The following TIAM1 variants were observed in gnomAD, a reference collection of about 807,000 sequenced individuals.
TIAM1 encodes TIAM Rac1 associated GEF 1.
TIAM1 carries 65 observed loss-of-function variants against 163.5 expected under a neutral mutation model. The ratio of observed to expected loss-of-function variants is 0.40; its 90% confidence interval spans 0.33 to 0.49. The LOEUF is 0.49. Among genes scored for constraint, TIAM1 ranks in the 20% least tolerant of loss-of-function variants. TIAM1 has a pLI of 0.77. For synonymous variants in TIAM1, 833 were observed against 810.1 expected, an observed-to-expected ratio of 1.03 and a Z score of -0.48; for missense variants, 1,789 against 2,044.7, an observed-to-expected ratio of 0.87 and a Z score of 2.41.
intron 14 of TIAM1, 79 bp downstream of exon 14, chr21:31,186,922 A>G: frequency 8.4e-7 from 1 of 1,184,768 alleles, no homozygotes; most frequent in African/African-American, 1.5e-5. Flanking sequence ...TCCTTTGGGC[A>G]TATCTTTCTC....
At chr21:31,327,277 T>C (rs987345554) in intron 2 of TIAM1, among the ~76,000 whole-genome samples, 1 of 152,146 alleles carries the variant, frequency 6.6e-6, no homozygotes, top group African/African-American at 2.4e-5. Context: ...ACGCTTGAAC[T>C]CATTCTAGAA....
At chr21:31,556,700 C>T (rs565275674) in intron 1 of TIAM1, among the ~76,000 whole-genome samples, 65 of 152,292 alleles carry the variant, frequency 4.3e-4, no homozygotes, top group African/African-American at 1.4e-3. Context: ...ACTCAAAACA[C>T]ATTCACAACA....
rs559296481 is a variant in TIAM1 at position 31,266,338 on chromosome 21, C to A, written c.635G>T (p.Arg212Leu). 4 of 1,614,234 alleles carry A rather than the reference C, an allele frequency of 2.5e-6. No individual in the cohort carries two copies. In the African/African-American group the frequency reaches 5.3e-5, roughly 22 times the overall value. Reference sequence around the variant, plus strand: ...CGGACTCGCCCGCGTTTCCATCCCCCGAGCCTCCTCGCAGTCCTTCTCTTC... The same window carrying A: ...CGGACTCGCCCGCGTTTCCATCCCCAGAGCCTCCTCGCAGTCCTTCTCTTC... ...SAEEKDCEEA[R>L]GMETRASPRQ... is the part of the protein sequence containing the mutation. The change falls in exon 4 of 28, where the codon CGG becomes CTG. Residue 212 changes from arginine to leucine, a missense_variant. By Grantham distance (102) the Arg-to-Leu change is moderately radical. Coordinates refer to ENST00000541036, the MANE Select transcript of TIAM1 (RefSeq NM_001353694.2).
At chr21:31,261,326 G>A (rs550991988) in intron 4 of TIAM1, among the ~76,000 whole-genome samples, 12 of 139,074 alleles carry the variant, frequency 8.6e-5, no homozygotes, top group African/African-American at 3.2e-4. Context: ...TGAGGATATT[G>A]AGCTGAAACC....
intron 15 of TIAM1, among the ~76,000 whole-genome samples, chr21:31,167,809 G>A (rs561120368): frequency 6.6e-6 from 1 of 152,284 alleles, no homozygotes; most frequent in East Asian, 1.9e-4. Flanking sequence ...GCACCACCCA[G>A]TTTGAGACCC....
intron 1 of TIAM1, among the ~76,000 whole-genome samples, chr21:31,538,281 G>A (rs1404356986): frequency 1.3e-5 from 2 of 151,938 alleles, no homozygotes; most frequent in Admixed American, 6.6e-5. Flanking sequence ...GGTTACTCAC[G>A]CCTATAATCC....
intron 1 of TIAM1, among the ~76,000 whole-genome samples, chr21:31,487,572 A>C (rs2046316039): frequency 8.7e-6 from 1 of 115,006 alleles, no homozygotes; most frequent in Non-Finnish European, 1.7e-5. Context: ...TTTTTTTGAG[A>C]CGGAGTCTCG....
At chr21:31,331,971 C>T (rs923240832) in intron 2 of TIAM1, among the ~76,000 whole-genome samples, 1 of 152,198 alleles carries the variant, frequency 6.6e-6, no homozygotes, top group African/African-American at 2.4e-5. Flanking sequence ...CCGTGTCTAA[C>T]ATATCCAATT....
intron 2 of TIAM1, among the ~76,000 whole-genome samples, chr21:31,353,575 C>T (rs1334855620): frequency 6.6e-6 from 1 of 152,098 alleles, no homozygotes; most frequent in Admixed American, 6.5e-5. Flanking sequence ...CTACCTGGTC[C>T]TCATGACAGC....
At chr21:31,150,878 C>G (rs562048045) in intron 19 of TIAM1, among the ~76,000 whole-genome samples, 31 of 152,172 alleles carry the variant, frequency 2.0e-4, no homozygotes, top group Admixed American at 6.5e-4. Context: ...ACTCTCAAAA[C>G]TCAATATTAG....
At chr21:31,322,768 G>C (rs952261271) in intron 2 of TIAM1, among the ~76,000 whole-genome samples, 1 of 152,110 alleles carries the variant, frequency 6.6e-6, no homozygotes, top group Non-Finnish European at 1.5e-5. Flanking sequence ...TGAATATTAG[G>C]TCCCAAACGC....
chr21:31,266,061 T>C lies in TIAM1; in HGVS notation c.912A>G (p.Pro304=). The change falls in exon 4 of 28, where the codon CCA becomes CCG. Residue 304 remains proline, a synonymous_variant. Coordinates refer to ENST00000541036, the MANE Select transcript of TIAM1 (RefSeq NM_001353694.2). ...SHCLSEGATN[P]QISHSNSMQG... is the part of the protein sequence containing the mutation. ...GCATGCTGTTGCTATGGCTAATTTG[T>C]GGGTTGGTGGCACCTTCAGAGAGAC... is the stretch of plus-strand genomic sequence containing the variant. The C allele has an allele frequency of 6.2e-7, 1 of 1,614,244 alleles. No individual in the cohort carries two copies. The highest frequency in any genetic ancestry group is 8.5e-7 in the Non-Finnish European group (1 of 1,180,038).
intron 4 of TIAM1, 52 bp downstream of exon 4, chr21:31,265,958 A>G (rs920376765): frequency 6.3e-6 from 10 of 1,580,532 alleles, no homozygotes; most frequent in East Asian, 2.2e-5. Context: ...TCATGCACTT[A>G]AAGAGTCATG....
chr21:31,269,043 G>A (rs1000301363), intron 3 of TIAM1, among the ~76,000 whole-genome samples: 4 of 152,128 alleles, frequency 2.6e-5, no homozygotes, highest in South Asian at 2.1e-4. Context: ...CAAAACTGTC[G>A]CCTCAAATAT....
chr21:31,489,920 A>AT (rs1457778467), intron 1 of TIAM1, among the ~76,000 whole-genome samples: 3 of 152,198 alleles, frequency 2.0e-5, no homozygotes, highest in African/African-American at 7.2e-5. Flanking sequence ...CAGCAGTTTT[A>AT]TTAACTGGCA....
intron 16 of TIAM1, among the ~76,000 whole-genome samples, chr21:31,154,645 G>A (rs1415783634): frequency 3.3e-5 from 5 of 152,152 alleles, no homozygotes; most frequent in South Asian, 2.1e-4. Context: ...CTTACCACAC[G>A]CCTAGTGCCG....
At chr21:31,351,374 G>T (rs1783007) in intron 2 of TIAM1, among the ~76,000 whole-genome samples, 38,915 of 152,054 alleles carry the variant, frequency 0.26, 5,096 homozygotes, top group East Asian at 0.44. Context: ...TAAAAAATAT[G>T]TCCATAAAAT....
chr21:31,394,728 T>TCTCTCTCTCTCTCTCTCTCA (rs1279053911), intron 2 of TIAM1, among the ~76,000 whole-genome samples: 2 of 95,704 alleles, frequency 2.1e-5, no homozygotes, highest in Non-Finnish European at 4.2e-5. Context: ...TCTCTCTCTC[T>TCTCTCTCTCTCTCTCTCTCA]CACACACACA....
At chr21:31,231,780 C>T (rs2088450268) in intron 6 of TIAM1, among the ~76,000 whole-genome samples, 1 of 152,076 alleles carries the variant, frequency 6.6e-6, no homozygotes, top group Non-Finnish European at 1.5e-5. Flanking sequence ...CTTTGGGAGG[C>T]CAAGGTGGGC....
Sources: allele counts gnomAD v4.1 joint callset (sites outside exome capture counted in the v4.1 genomes callset), GRCh38; gene constraint gnomAD v4.1.1; transcripts MANE v1.5; gene names NCBI Gene and HGNC (gene_info 2026-07-23, HGNC 2026-07-21).